The following GRM1 variants were observed in gnomAD, a reference collection of about 807,000 sequenced individuals.
GRM1 encodes the protein glutamate metabotropic receptor 1.
In GRM1, 33 loss-of-function variants were observed where a neutral mutation model predicts 90.9. The ratio of observed to expected loss-of-function variants is 0.36; its 90% CI spans 0.28 to 0.49. The LOEUF (loss-of-function observed/expected upper bound fraction) is 0.49. Ranked by LOEUF, GRM1 falls within the 20% of genes least tolerant of loss-of-function variation. The probability of loss-of-function intolerance (pLI) is 0.99; values close to 1 mark genes in which losing one functional copy is unlikely to be tolerated. For missense variants in GRM1, 1,190 were observed against 1,534.3 expected (o/e 0.78, Z 3.75); for synonymous variants, 700 against 613.2 (o/e 1.14, Z -2.09).
At chr6:146,082,566 A>G (rs1412362024) in intron 1 of GRM1, among the ~76,000 whole-genome samples, 2 of 151,796 alleles carry the variant, frequency 1.3e-5, no homozygotes, top group Non-Finnish European at 2.9e-5. Context: ...TCCTTTCTCT[A>G]CCTCTTCCCA....
chr6:146,280,164 C>T (rs1274488044), intron 2 of GRM1, among the ~76,000 whole-genome samples: 1 of 151,990 alleles, frequency 6.6e-6, no homozygotes, highest in Non-Finnish European at 1.5e-5. Flanking sequence ...TTTATTTCTT[C>T]CACCCACCAA....
chr6:146,411,726 G>T (rs943710949), intron 7 of GRM1, among the ~76,000 whole-genome samples: 2 of 152,126 alleles, frequency 1.3e-5, no homozygotes, highest in Non-Finnish European at 2.9e-5. Flanking sequence ...ACTTAAGTAA[G>T]AACAAAAGTA....
chr6:146,408,720 T>C (rs74867824), intron 7 of GRM1, among the ~76,000 whole-genome samples: 4,460 of 152,266 alleles, frequency 0.029, 180 homozygotes, highest in African/African-American at 0.088. Context: ...GGCATGCTAC[T>C]GTTACTCCGT....
At chr6:146,420,409 A>G (rs1474296584) in intron 7 of GRM1, among the ~76,000 whole-genome samples, 1 of 152,254 alleles carries the variant, frequency 6.6e-6, no homozygotes, top group African/African-American at 2.4e-5. Flanking sequence ...CTTTCTGTTG[A>G]AAGTCCCGAA....
intron 1 of GRM1, among the ~76,000 whole-genome samples, chr6:146,157,034 T>A (rs1777548757): frequency 6.6e-6 from 1 of 152,198 alleles, no homozygotes; most frequent in Non-Finnish European, 1.5e-5. Flanking sequence ...GGCAGTTCAG[T>A]CTGAAGATCT....
intron 1 of GRM1, among the ~76,000 whole-genome samples, chr6:146,105,239 G>A (rs1777187973): frequency 6.6e-6 from 1 of 152,236 alleles, no homozygotes; most frequent in Middle Eastern, 3.4e-3. Flanking sequence ...GAAACTGAAG[G>A]AACAAAATCC....
chr6:146,155,217 G>C (rs542257204), intron 1 of GRM1, among the ~76,000 whole-genome samples: 11 of 152,144 alleles, frequency 7.2e-5, no homozygotes, highest in African/African-American at 2.6e-4. Context: ...GGAAACAGTG[G>C]GCCACCCATA....
intron 5 of GRM1, among the ~76,000 whole-genome samples, chr6:146,360,832 G>A (rs1379400850): frequency 6.6e-6 from 1 of 152,146 alleles, no homozygotes; most frequent in South Asian, 2.1e-4. Context: ...CAAGAATAAG[G>A]GGGAAAGGGA....
chr6:146,138,596 C>T (rs1776715981), intron 1 of GRM1, among the ~76,000 whole-genome samples: 1 of 151,886 alleles, frequency 6.6e-6, no homozygotes, highest in Non-Finnish European at 1.5e-5. Flanking sequence ...CTTCCTGGTT[C>T]AATCTTGGTG....
intron 7 of GRM1, among the ~76,000 whole-genome samples, chr6:146,408,525 C>A (rs975647487): frequency 1.3e-5 from 2 of 151,996 alleles, no homozygotes; most frequent in Non-Finnish European, 2.9e-5. Context: ...ATTGTTAGCC[C>A]GTGACATTAA....
chr6:146,325,426 C>T (rs2114981389), intron 3 of GRM1, among the ~76,000 whole-genome samples: 1 of 152,276 alleles, frequency 6.6e-6, no homozygotes, highest in South Asian at 2.1e-4. Flanking sequence ...AAAGAACAAG[C>T]ATGTACAAGT....
At chr6:146,284,397 G>T (rs1369610436) in intron 2 of GRM1, among the ~76,000 whole-genome samples, 2 of 152,194 alleles carry the variant, frequency 1.3e-5, no homozygotes, top group Non-Finnish European at 2.9e-5. Flanking sequence ...GTGCATAATT[G>T]AATGTTCTTT....
chr6:146,429,028 G>A (rs546864257), intron 7 of GRM1, among the ~76,000 whole-genome samples: 1 of 152,118 alleles, frequency 6.6e-6, no homozygotes, highest in East Asian at 1.9e-4. Flanking sequence ...GATTTTCTTT[G>A]TATTGTCTTT....
At chr6:146,204,748 T>G (rs1392538596) in intron 2 of GRM1, among the ~76,000 whole-genome samples, 3 of 152,218 alleles carry the variant, frequency 2.0e-5, no homozygotes, top group Non-Finnish European at 4.4e-5. Context: ...AAGCCTTAGT[T>G]GTGTGCTTTT....
chr6:146,400,351 T>C (rs362940), intron 7 of GRM1, among the ~76,000 whole-genome samples: 6,038 of 152,180 alleles, frequency 0.04, 361 homozygotes, highest in African/African-American at 0.12. Context: ...GGGTCATCTC[T>C]GCTACTGCAA....
intron 1 of GRM1, among the ~76,000 whole-genome samples, chr6:146,052,597 A>G (rs1775334625): frequency 6.6e-6 from 1 of 152,000 alleles, no homozygotes; most frequent in South Asian, 2.1e-4. Context: ...TCTCCTTGCC[A>G]TCCTTGAGCA....
Position 146,280,450 on chromosome 6 carries a change from G to A in GRM1, c.951-24161G>A, listed in dbSNP as rs144086687. ...TTTGGAATCTCAGTGTTTCTAGTTT[G>A]CTAATATAACCTAGTTGTAAGGGGC... On this transcript the variant is annotated intron_variant, in intron 2 of 7. Transcript: ENST00000282753. Among the ~76,000 whole-genome samples the A allele has an allele frequency of 4.0e-3, 603 of 152,202 alleles. 2 individuals are homozygous for A. The highest frequency in any genetic ancestry group is 6.9e-3 in the Non-Finnish European group (468 of 68,006).
chr6:146,066,033 C>T (rs1332287370), intron 1 of GRM1, among the ~76,000 whole-genome samples: 5 of 151,794 alleles, frequency 3.3e-5, no homozygotes, highest in African/African-American at 7.3e-5. Flanking sequence ...TTGCTTGAGA[C>T]GGCTTTTATT....
intron 1 of GRM1, among the ~76,000 whole-genome samples, chr6:146,095,569 C>T (rs1007553284): frequency 1.3e-5 from 2 of 152,080 alleles, no homozygotes; most frequent in East Asian, 3.9e-4. Flanking sequence ...TTCTTCTGTG[C>T]TTCTTCTTTA....
Sources: gnomAD v4.1 joint callset for allele counts (sites outside exome capture counted in the v4.1 genomes callset) on GRCh38, gnomAD v4.1.1 for gene constraint, MANE v1.5 for transcripts, NCBI Gene and HGNC (gene_info 2026-07-23, HGNC 2026-07-21) for gene names.